CASC3: variants seen among roughly 807,000 people sequenced by gnomAD.
The protein encoded by CASC3 is CASC3 exon junction complex subunit, also known as protein CASC3.
A neutral mutation model predicts 80.5 loss-of-function variants in CASC3; 30 were observed. The ratio of observed to expected loss-of-function variants is 0.37; its 90% confidence interval spans 0.28 to 0.51. The LOEUF is 0.51. Ranked by LOEUF, CASC3 falls within the 20% of genes least tolerant of loss-of-function variation. The pLI is 0.94. For missense variants in CASC3, 824 were observed against 922.2 expected, an observed-to-expected ratio of 0.89 and a Z score of 1.38; for synonymous variants, 312 against 333.6, an observed-to-expected ratio of 0.94 and a Z score of 0.70.
chr17:40,145,946 A>G (rs994940321), intron 3 of CASC3, among the ~76,000 whole-genome samples: 2 of 152,048 alleles, frequency 1.3e-5, no homozygotes. Context: ...TAAATTTTAA[A>G]GATGTGTTTT....
intron 7 of CASC3, among the ~76,000 whole-genome samples, chr17:40,164,603 C>T (rs182233783): frequency 2.6e-5 from 4 of 151,850 alleles, no homozygotes; most frequent in African/African-American, 7.2e-5. Flanking sequence ...TGCACTACCA[C>T]GCTGGGCTAA....
At chr17:40,166,431 G>T (rs1037287500) in intron 7 of CASC3, among the ~76,000 whole-genome samples, 2 of 152,158 alleles carry the variant, frequency 1.3e-5, no homozygotes, top group African/African-American at 4.8e-5. Context: ...TCCAGCTGTT[G>T]CTCAGAAACT....
rs150907596 is a variant in CASC3, at chr17:40,169,402, C to T, written c.2044C>T (p.Arg682Trp). Reference sequence around the variant, plus strand: ...GGTGCAGCCAAAGCCCTCCCCACCCCGGAGGACTCCCCAGCCAGTCACCAT... The same window carrying T: ...GGTGCAGCCAAAGCCCTCCCCACCCTGGAGGACTCCCCAGCCAGTCACCAT... ...QQVQPKPSPP[R>W]RTPQPVTIKP... Residue 682 changes from arginine to tryptophan, a missense_variant, in exon 12 of 14, where the codon CGG becomes TGG. Transcript: ENST00000264645. The T allele has an allele frequency of 7.4e-6, 12 of 1,612,508 alleles. No individual in the cohort carries two copies. The highest frequency in any genetic ancestry group is 9.3e-6 in the Non-Finnish European group (11 of 1,179,328).
chr17:40,168,697 T>G, intron 11 of CASC3: 1 of 381,956 alleles, frequency 2.6e-6, no homozygotes, highest in South Asian at 2.4e-5. Context: ...TTCAAGCGAT[T>G]CTTCTGCCTC....
At chr17:40,154,865 T>C (rs1308851634) in intron 3 of CASC3, among the ~76,000 whole-genome samples, 1 of 152,164 alleles carries the variant, frequency 6.6e-6, no homozygotes, top group East Asian at 1.9e-4. Context: ...AGTTTTTATA[T>C]GTGGGGTAAA....
At chr17:40,147,742 A>G (rs1036374783) in intron 3 of CASC3, among the ~76,000 whole-genome samples, 6 of 152,298 alleles carry the variant, frequency 3.9e-5, no homozygotes, top group African/African-American at 1.4e-4. Flanking sequence ...AGAGTTCTGG[A>G]AGGACAGTTG....
chr17:40,167,345 CTTGATATCTT>C lies in CASC3; in HGVS notation c.1537-150_1537-141del, dbSNP rs1207488989. ...TAAGGTAGAAGGTTTAGGTTCAAAT[CTTGATATCTT>C]TTCATTATTTTTCAGCTCACTTTGC... is the stretch of plus-strand genomic sequence containing the variant. On this transcript the variant is annotated intron_variant, in intron 8 of 13. Coordinates refer to ENST00000264645, the MANE Select transcript of CASC3 (RefSeq NM_007359.5). The C allele has an allele frequency of 3.5e-5, 21 of 606,148 alleles. No homozygotes were observed. In the African/African-American group the frequency reaches 3.9e-4, roughly 11 times the overall value. The allele number at this position is 606,148 out of a possible 1,614,324, so 37.5% of individuals were successfully genotyped here.
intron 3 of CASC3, among the ~76,000 whole-genome samples, chr17:40,157,379 T>C (rs187644366): frequency 3.0e-5 from 4 of 133,792 alleles, no homozygotes; most frequent in Non-Finnish European, 5.1e-5. Flanking sequence ...ATTAATTAAT[T>C]AATTAATTAA....
rs371656022 is a variant in CASC3, at chr17:40,160,377, C to T, written c.298-1376C>T. Among the ~76,000 whole-genome samples, 6 of 152,108 alleles carry T rather than the reference C, an allele frequency of 3.9e-5. No individual in the cohort carries two copies. The East Asian group carries it at 9.7e-4, about 25-fold the overall frequency. ...AGGTGTGGTGGCATGTGCCTGTAGTCGCAGCTACTTGGGAGGCTGAGGTGG... is the reference window on the plus strand; with the variant it reads ...AGGTGTGGTGGCATGTGCCTGTAGTTGCAGCTACTTGGGAGGCTGAGGTGG... On this transcript the variant is annotated intron_variant, in intron 3 of 13. Coordinates refer to ENST00000264645, the MANE Select transcript of CASC3 (RefSeq NM_007359.5).
At chr17:40,168,438 G>A (rs919465161) in intron 11 of CASC3, 21 bp downstream of exon 11, 1 of 1,597,250 alleles carries the variant, frequency 6.3e-7, no homozygotes, top group Non-Finnish European at 8.6e-7. Flanking sequence ...TAATGATCAT[G>A]TTTTTCTAGA....
At position 40,140,679 on chromosome 17, in the gene CASC3, G is replaced by A; in HGVS notation, c.131G>A (p.Gly44Asp). ...TGCAGCGGTAGCGCCGGAGGCGGCG[G>A]CAGCGGCTCTCTGCCTTCACAGCGC... ...GSCSGSAGGG[G>D]SGSLPSQRGG... The change falls in exon 1 of 14, where the codon GGC (glycine) becomes GAC (aspartate). Residue 44 changes from glycine to aspartate, a missense_variant. Gly to Asp is a moderately conservative substitution (Grantham distance 94). Around this residue, in one of 3 missense-constraint regions of CASC3, gnomAD observed 159 missense variants for 122.2 expected, o/e 1.30. Transcript: ENST00000264645. The A allele has an allele frequency of 6.3e-7, 1 of 1,599,276 alleles. No individual in the cohort carries two copies. Among genetic ancestry groups the A allele is most frequent in the Non-Finnish European group, 8.5e-7 (1 of 1,174,260 alleles).
chr17:40,167,625 T>C lies in CASC3; in HGVS notation c.1651+13T>C. On this transcript the variant is annotated intron_variant, in intron 9 of 13. Transcript: ENST00000264645. ...TACTATGATCCACGTGAGTTTTTTC[T>C]TACTGTTGGGGTACTTTTCTTGGCA... 1 of 1,592,526 alleles carries C rather than the reference T, an allele frequency of 6.3e-7. No homozygotes were observed. The highest frequency in any genetic ancestry group is 8.6e-7 in the Non-Finnish European group (1 of 1,160,572).
At chr17:40,156,846 C>T (rs1345716686) in intron 3 of CASC3, among the ~76,000 whole-genome samples, 2 of 151,836 alleles carry the variant, frequency 1.3e-5, no homozygotes, top group African/African-American at 2.4e-5. Context: ...TTGAGACTAG[C>T]CTGGACAAGA....
intron 7 of CASC3, 150 bp from the exon 8 acceptor site, chr17:40,166,647 A>G (rs1192448213): frequency 5.8e-6 from 3 of 516,700 alleles, no homozygotes; most frequent in Non-Finnish European, 6.8e-6. Context: ...TGGTGTTGAC[A>G]GAAAGCAGAG....
At chr17:40,162,629 C>T in intron 5 of CASC3, 96 bp from the exon 6 acceptor site, 1 of 1,134,130 alleles carries the variant, frequency 8.8e-7, no homozygotes, top group Non-Finnish European at 1.3e-6. Context: ...CGTAAAGTTC[C>T]TATTGTCCCC....
chr17:40,162,589 T>A (rs1248451792), intron 5 of CASC3, 136 bp from the exon 6 acceptor site: 2 of 784,744 alleles, frequency 2.5e-6, no homozygotes, highest in Admixed American at 5.8e-5. Context: ...GCCTGTTTTT[T>A]ATAATCTCTT....
chr17:40,170,294 T>C (rs1989563164), intron 13 of CASC3, among the ~76,000 whole-genome samples, 153 bp from the exon 14 acceptor site: 1 of 152,176 alleles, frequency 6.6e-6, no homozygotes, highest in African/African-American at 2.4e-5. Context: ...CTAAAGATCA[T>C]AGAGGAGAAG....
intron 3 of CASC3, among the ~76,000 whole-genome samples, chr17:40,143,185 C>T (rs188134451): frequency 2.6e-5 from 4 of 152,160 alleles, no homozygotes; most frequent in African/African-American, 9.7e-5. Context: ...ATGGCTCACA[C>T]CTGTAATCCC....
At chr17:40,169,859 G>A (rs1038185598) in intron 13 of CASC3, among the ~76,000 whole-genome samples, 197 bp downstream of exon 13, 6 of 134,018 alleles carry the variant, frequency 4.5e-5, no homozygotes, top group African/African-American at 1.7e-4. Context: ...GAGTTCAAGC[G>A]ATTCTCTTGC....
Sources: allele counts gnomAD v4.1 joint callset (sites outside exome capture counted in the v4.1 genomes callset), GRCh38; gene constraint gnomAD v4.1.1; regional missense constraint gnomAD v4.1.1; transcripts MANE v1.5; gene names NCBI Gene and HGNC (gene_info 2026-07-23, HGNC 2026-07-21).